Variants in EGFLAM observed in about 807,000 individuals in gnomAD.
The protein encoded by EGFLAM is pikachurin.
In EGFLAM, 79 loss-of-function variants were observed where a neutral mutation model predicts 113.1. The ratio of observed to expected loss-of-function variants is 0.70; its 90% confidence interval spans 0.58 to 0.84. The LOEUF (loss-of-function observed/expected upper bound fraction) is 0.84. Among genes scored for constraint, EGFLAM ranks in the 40% least tolerant of loss-of-function variants. EGFLAM has a pLI of 0.00. For synonymous variants in EGFLAM, 504 were observed against 487.6 expected (o/e 1.03, Z -0.44); for missense variants, 1,265 against 1,291.6 (o/e 0.98, Z 0.32).
At chr5:38,345,167 C>T (rs990349721) in intron 3 of EGFLAM, among the ~76,000 whole-genome samples, 1 of 152,202 alleles carries the variant, frequency 6.6e-6, no homozygotes, top group South Asian at 2.1e-4. Context: ...ATCAGACCAA[C>T]TGTTGCCCAC....
chr5:38,414,925 C>T (rs55988996), intron 11 of EGFLAM, among the ~76,000 whole-genome samples: 23,175 of 152,072 alleles, frequency 0.15, 1,868 homozygotes, highest in East Asian at 0.24. Context: ...GAGAGGGGGG[C>T]ATCCTTGGGA....
At chr5:38,454,963 T>C (rs963147437) in intron 19 of EGFLAM, among the ~76,000 whole-genome samples, 2 of 152,154 alleles carry the variant, frequency 1.3e-5, no homozygotes, top group Non-Finnish European at 2.9e-5. Flanking sequence ...AATGAGTGTG[T>C]TTTTCTGTTT....
At chr5:38,332,799 A>C (rs1297092774) in intron 1 of EGFLAM, among the ~76,000 whole-genome samples, 1 of 152,216 alleles carries the variant, frequency 6.6e-6, no homozygotes, top group Non-Finnish European at 1.5e-5. Flanking sequence ...GAGTGCCTTT[A>C]AGCGGTTTTC....
At chr5:38,360,736 A>G (rs1739898181) in intron 5 of EGFLAM, among the ~76,000 whole-genome samples, 1 of 152,114 alleles carries the variant, frequency 6.6e-6, no homozygotes, top group African/African-American at 2.4e-5. Flanking sequence ...ATCAATGCAA[A>G]CTATTCCTAC....
chr5:38,359,106 G>A (rs1579817597), intron 5 of EGFLAM, among the ~76,000 whole-genome samples: 2 of 152,142 alleles, frequency 1.3e-5, no homozygotes, highest in Middle Eastern at 6.8e-3. Flanking sequence ...ATTTCCCCAG[G>A]GTAAGTGCCT....
chr5:38,380,913 A>C (rs3110232), intron 6 of EGFLAM, among the ~76,000 whole-genome samples: 3 of 152,078 alleles, frequency 2.0e-5, no homozygotes, highest in Non-Finnish European at 4.4e-5. Context: ...GACTAAAGCA[A>C]ATGATAAGGA....
At chr5:38,338,827 T>C in intron 3 of EGFLAM, 46 bp downstream of exon 3, 2 of 1,530,072 alleles carry the variant, frequency 1.3e-6, no homozygotes, top group Middle Eastern at 1.7e-4. Flanking sequence ...ATGTGGGCAC[T>C]ATTCGGGCGG....
chr5:38,296,084 A>G (rs1454434075), intron 1 of EGFLAM, among the ~76,000 whole-genome samples: 3 of 152,148 alleles, frequency 2.0e-5, no homozygotes, highest in African/African-American at 4.8e-5. Flanking sequence ...GCGGATGCTC[A>G]ACATGGGGAT....
Position 38,463,863 on chromosome 5 carries a change from C to G in EGFLAM, c.2907C>G (p.Asn969Lys), listed in dbSNP as rs755067318. The change falls in exon 22 of 22, where the codon AAC becomes AAG. Residue 969 changes from asparagine (N) to lysine (K), a missense_variant. Transcript: ENST00000322350. Reference sequence around the variant, plus strand: ...TGAAGGAAATTGCTCTGCACACTAACAGGCAATATATGAGAGGGCTCGTGG... The same window carrying G: ...TGAAGGAAATTGCTCTGCACACTAAGAGGCAATATATGAGAGGGCTCGTGG... ...GGMKEIALHTNRQYMRGLVGC... is the reference protein window; with the variant it reads ...GGMKEIALHTKRQYMRGLVGC... 5.0e-6 allele frequency: 8 copies of G among 1,613,964 alleles called. No homozygotes were observed. The African/African-American group carries it at 9.3e-5, about 19-fold the overall frequency.
At chr5:38,459,280 C>T (rs1404108286) in intron 20 of EGFLAM, among the ~76,000 whole-genome samples, 1 of 151,632 alleles carries the variant, frequency 6.6e-6, no homozygotes, top group Non-Finnish European at 1.5e-5. Context: ...GTTGGGATTA[C>T]AGGCATGAGC....
chr5:38,312,854 G>A (rs1481588477), intron 1 of EGFLAM, among the ~76,000 whole-genome samples: 2 of 152,168 alleles, frequency 1.3e-5, no homozygotes, highest in Non-Finnish European at 2.9e-5. Context: ...TTGGGAGGTG[G>A]AGGTGGGTGG....
chr5:38,427,404 A>G lies in EGFLAM; in HGVS notation c.2054+152A>G, dbSNP rs534337439. ...AACTTGTCCTGACTTGTCCTGCTTC[A>G]GGCAGATGACAGGCTTCCTATAGAG... is the stretch of plus-strand genomic sequence containing the variant. On this transcript the variant is annotated intron_variant, in intron 14 of 21. Coordinates refer to ENST00000322350, the MANE Select transcript of EGFLAM (RefSeq NM_152403.4). The G allele has an allele frequency of 1.5e-4, 200 of 1,336,760 alleles. 2 individuals are homozygous for G. In the South Asian group the frequency reaches 2.7e-3, roughly 18 times the overall value. 82.8% of individuals were successfully genotyped at this position (1,336,760 alleles called of 1,614,324 possible). A position where few individuals can be genotyped will look rare whatever the true frequency, so the allele number is the denominator to read the frequency against.
chr5:38,315,468 G>C (rs531048212), intron 1 of EGFLAM, among the ~76,000 whole-genome samples: 1 of 152,284 alleles, frequency 6.6e-6, no homozygotes, highest in South Asian at 2.1e-4. Context: ...AGTGCATTTT[G>C]TGTTTAAAAA....
intron 6 of EGFLAM, among the ~76,000 whole-genome samples, chr5:38,405,435 A>G (rs79400043): frequency 0.055 from 8,362 of 152,266 alleles, 318 homozygotes; most frequent in African/African-American, 0.099. Flanking sequence ...TCATCAAACT[A>G]GATGCATTCT....
At chr5:38,272,739 CTTTTTGAGAGGTGTG>C (rs936075798) in intron 1 of EGFLAM, among the ~76,000 whole-genome samples, 1 of 147,334 alleles carries the variant, frequency 6.8e-6, no homozygotes, top group Non-Finnish European at 1.5e-5. Context: ...CATCAGTTGA[CTTTTTGAGAGGTGTG>C]TGTATGTGTG....
intron 6 of EGFLAM, among the ~76,000 whole-genome samples, chr5:38,392,523 G>A (rs368075733): frequency 7.9e-5 from 12 of 152,022 alleles, no homozygotes; most frequent in African/African-American, 2.2e-4. Flanking sequence ...AGCTCTTTGA[G>A]GAATGTCATA....
chr5:38,379,484 C>G (rs950058899), intron 6 of EGFLAM, among the ~76,000 whole-genome samples: 1 of 151,832 alleles, frequency 6.6e-6, no homozygotes, highest in Non-Finnish European at 1.5e-5. Context: ...AGTCTCCCCT[C>G]CTGAGATAGG....
chr5:38,458,729 C>T (rs905843098), intron 20 of EGFLAM, among the ~76,000 whole-genome samples: 1 of 152,108 alleles, frequency 6.6e-6, no homozygotes, highest in African/African-American at 2.4e-5. Context: ...ACCTGGAATA[C>T]CAGCACTTGG....
At chr5:38,462,885 T>A (rs1194801060) in intron 20 of EGFLAM, 23 bp from the exon 21 acceptor site, 3 of 1,613,362 alleles carry the variant, frequency 1.9e-6, no homozygotes, top group Non-Finnish European at 2.5e-6. Context: ...CTTTTTGTTC[T>A]TTTTTGTTTT....
Sources: allele counts gnomAD v4.1 joint callset (sites outside exome capture counted in the v4.1 genomes callset), GRCh38; gene constraint gnomAD v4.1.1; transcripts MANE v1.5; gene names NCBI Gene and HGNC (gene_info 2026-07-23, HGNC 2026-07-21).